Variants in AFAP1 observed in about 807,000 individuals in gnomAD.
AFAP1 encodes the protein actin filament associated protein 1.
Under a neutral mutation model 93.9 loss-of-function variants are expected in AFAP1, and 75 were observed. The ratio of observed to expected loss-of-function variants is 0.80; its 90% CI spans 0.66 to 0.97. The LOEUF is 0.97. AFAP1 is among the 50% of genes least tolerant of loss of function. AFAP1 has a pLI of 0.00. For missense variants in AFAP1, 1,201 were observed against 1,050.8 expected, an observed-to-expected ratio of 1.14 and a Z score of -1.98; for synonymous variants, 517 against 430.7, an observed-to-expected ratio of 1.20 and a Z score of -2.48.
rs1000514822 is a variant in AFAP1, at chr4:7,772,822, G to A, written c.2251C>T (p.Gln751Ter). Residue 751 changes from glutamine (Q) to a stop codon, truncating the protein, a stop_gained and splice_region_variant, in exon 16 of 18, where the codon CAG (glutamine) becomes TAG (stop). Transcript: ENST00000420658. LOFTEE classifies it high-confidence loss of function. The stretch of plus-strand genomic sequence containing the variant: ...AGGTGAGCCAGAAGGACACACACCT[G>A]TGGACTCGATGTCCCTGACTTGGGC... Reference protein sequence around the residue: ...IEPKSGTSSPQSPVFRHRTLE... With the variant: ...IEPKSGTSSP The A allele has an allele frequency of 6.2e-7, 1 of 1,613,758 alleles. No individual in the cohort carries two copies. The highest frequency in any genetic ancestry group is 1.1e-5 in the South Asian group (1 of 91,032).
At chr4:7,867,337 T>A (rs1267473106) in intron 3 of AFAP1, among the ~76,000 whole-genome samples, 1 of 152,214 alleles carries the variant, frequency 6.6e-6, no homozygotes, top group Non-Finnish European at 1.5e-5. Context: ...ATCTCCTGGA[T>A]AATCCTGAGG....
At chr4:7,796,488 G>A (rs866942369) in intron 10 of AFAP1, among the ~76,000 whole-genome samples, 1 of 152,042 alleles carries the variant, frequency 6.6e-6, no homozygotes, top group Non-Finnish European at 1.5e-5. Context: ...AGTGGCTCAC[G>A]CCTGTAATCC....
intron 1 of AFAP1, among the ~76,000 whole-genome samples, chr4:7,894,517 C>T (rs1158621742): frequency 6.6e-6 from 1 of 152,136 alleles, no homozygotes; most frequent in Non-Finnish European, 1.5e-5. Flanking sequence ...CGGCGGCAAC[C>T]CCGGGACTCT....
At chr4:7,937,808 G>A (rs1320374825) in intron 1 of AFAP1, among the ~76,000 whole-genome samples, 1 of 152,110 alleles carries the variant, frequency 6.6e-6, no homozygotes, top group Admixed American at 6.6e-5. Flanking sequence ...TTTTAATCAA[G>A]TACTCTGCAC....
At chr4:7,823,548 G>A (rs1032785493) in intron 6 of AFAP1, among the ~76,000 whole-genome samples, 1 of 152,054 alleles carries the variant, frequency 6.6e-6, no homozygotes, top group Non-Finnish European at 1.5e-5. Flanking sequence ...TGGCAGACTC[G>A]CCTGGTCCCT....
chr4:7,847,255 T>C (rs1713813021), intron 4 of AFAP1, among the ~76,000 whole-genome samples: 1 of 151,492 alleles, frequency 6.6e-6, no homozygotes, highest in Non-Finnish European at 1.5e-5. Context: ...TCAAGAGAAC[T>C]CTCCAGAAAG....
At chr4:7,846,283 T>C (rs1216575933) in intron 4 of AFAP1, among the ~76,000 whole-genome samples, 3 of 152,236 alleles carry the variant, frequency 2.0e-5, no homozygotes, top group Non-Finnish European at 4.4e-5. Flanking sequence ...TATACTCATA[T>C]TTTATGCACT....
chr4:7,933,440 G>T (rs1410139185), intron 1 of AFAP1, among the ~76,000 whole-genome samples: 1 of 152,146 alleles, frequency 6.6e-6, no homozygotes, highest in Admixed American at 6.5e-5. Context: ...GGGCACAGTG[G>T]CAAGCACCTG....
At position 7,902,487 on chromosome 4, in the gene AFAP1, T is replaced by C. The variant is rs762767315; in HGVS notation, c.-2-30407A>G. On this transcript the variant is annotated intron_variant, in intron 1 of 17. Coordinates refer to ENST00000420658, the MANE Select transcript of AFAP1 (RefSeq NM_001134647.2). ...CCTAGACTGAGAAGAAAACAGAAAC[T>C]GGAATGCTCTAGGTTTGATTTTTTT... Among the ~76,000 whole-genome samples, 3 of 152,224 alleles carry C rather than the reference T, an allele frequency of 2.0e-5. 1 individual carries two copies. In the South Asian group the frequency reaches 6.2e-4, roughly 32 times the overall value.
At chr4:7,772,481 T>C (rs372955748) in intron 16 of AFAP1, 2 of 219,178 alleles carry the variant, frequency 9.1e-6, no homozygotes, top group African/African-American at 2.3e-5. Context: ...AGACGGTTTG[T>C]AAGCACCGGC....
At chr4:7,882,148 A>G (rs1253782796) in intron 1 of AFAP1, among the ~76,000 whole-genome samples, 2 of 152,206 alleles carry the variant, frequency 1.3e-5, no homozygotes, top group African/African-American at 4.8e-5. Context: ...CTCCACAAGA[A>G]AAGTCATGAC....
At chr4:7,764,018 ACT>A (rs1331314016) in intron 17 of AFAP1, among the ~76,000 whole-genome samples, 2 of 152,154 alleles carry the variant, frequency 1.3e-5, no homozygotes, top group Non-Finnish European at 2.9e-5. Context: ...CAGCAGCATG[ACT>A]CACACCAGCC....
rs551652846 is a variant in AFAP1, at chr4:7,939,059, C to T, written c.-3+597G>A. ...ACTCGCGTCCCAGGCGGGGTCGACC[C>T]AGACGAGCCACGGGGCGGCGCAGAG... On this transcript the variant is annotated intron_variant, in intron 1 of 17. Transcript: ENST00000420658. The surrounding 1 kb of genome is among the most constrained non-coding windows in gnomAD (Gnocchi z 5.6). The T allele has an allele frequency of 1.9e-5, 3 of 156,784 alleles. No individual in the cohort carries two copies. Among genetic ancestry groups the T allele is most frequent in the African/African-American group, 7.2e-5 (3 of 41,632 alleles). The allele number at this position is 156,784 out of a possible 1,614,324, so 9.7% of individuals were successfully genotyped here. A position where few individuals can be genotyped will look rare whatever the true frequency, so the allele number is the denominator to read the frequency against.
chr4:7,851,189 C>A (rs1221791414), intron 4 of AFAP1, among the ~76,000 whole-genome samples: 1 of 152,130 alleles, frequency 6.6e-6, no homozygotes, highest in African/African-American at 2.4e-5. Context: ...TAGTGAAGCC[C>A]TGGCAGAGAC....
At chr4:7,808,069 A>G (rs949869514) in intron 9 of AFAP1, among the ~76,000 whole-genome samples, 4 of 152,296 alleles carry the variant, frequency 2.6e-5, no homozygotes, top group East Asian at 1.9e-4. Context: ...CGGGTGCTCA[A>G]TAAGGGGTGG....
intron 2 of AFAP1, 72 bp from the exon 3 acceptor site, chr4:7,868,791 G>C (rs34570748): frequency 7.5e-7 from 1 of 1,327,312 alleles, no homozygotes; most frequent in East Asian, 2.3e-5. Context: ...GCATCTATCA[G>C]TTCCTGAACC....
rs763294391 is a variant in AFAP1, at chr4:7,762,444, A to G, written c.*1321T>C. 10 of 152,244 alleles carry G rather than the reference A, an allele frequency of 6.6e-5. No homozygotes were observed. The highest frequency in any genetic ancestry group is 1.0e-4 in the Non-Finnish European group (7 of 68,050). 9.4% of individuals were successfully genotyped at this position (152,244 alleles called of 1,614,324 possible). On this transcript the variant is annotated 3_prime_UTR_variant, in exon 18 of 18. Transcript: ENST00000420658. Reference sequence around the variant, plus strand: ...GCGTTCAGGGGTGACTTATTTCGTCATAAGTGACTGCATCTTCCCGTACTG... The same window carrying G: ...GCGTTCAGGGGTGACTTATTTCGTCGTAAGTGACTGCATCTTCCCGTACTG...
At chr4:7,797,624 G>C (rs1207188521) in intron 10 of AFAP1, among the ~76,000 whole-genome samples, 1 of 152,222 alleles carries the variant, frequency 6.6e-6, no homozygotes, top group Admixed American at 6.5e-5. Flanking sequence ...AGACGCGGCA[G>C]CGGACTACAA....
At chr4:7,893,949 C>G (rs796308086) in intron 1 of AFAP1, among the ~76,000 whole-genome samples, 41 of 152,328 alleles carry the variant, frequency 2.7e-4, no homozygotes, top group African/African-American at 9.6e-4. Context: ...TACCCACAGC[C>G]TCAGCGAGCC....
Sources: gnomAD v4.1 joint callset for allele counts (sites outside exome capture counted in the v4.1 genomes callset) on GRCh38, gnomAD v4.1.1 for gene constraint, Gnocchi (gnomAD v3.1) non-coding constraint, MANE v1.5 for transcripts, NCBI Gene and HGNC (gene_info 2026-07-23, HGNC 2026-07-21) for gene names.